GFPT2: variants seen among roughly 807,000 people sequenced by gnomAD.
GFPT2 encodes glutamine--fructose-6-phosphate transaminase 2, also known as glutamine--fructose-6-phosphate aminotransferase [isomerizing] 2.
In GFPT2, 62 loss-of-function variants were observed where a neutral mutation model predicts 85.6. The ratio of observed to expected loss-of-function variants is 0.72; its 90% CI spans 0.59 to 0.90. GFPT2 has a LOEUF of 0.90. Ranked by LOEUF, GFPT2 falls within the 40% of genes least tolerant of loss-of-function variation. The probability of loss-of-function intolerance (pLI) is 0.00; values close to 1 mark genes in which losing one functional copy is unlikely to be tolerated. For synonymous variants in GFPT2, 368 were observed against 344.5 expected (o/e 1.07, Z -0.75); for missense variants, 788 against 893.4 (o/e 0.88, Z 1.50).
At chr5:180,312,311 A>G in intron 15 of GFPT2, 119 bp downstream of exon 15, 1 of 668,038 alleles carries the variant, frequency 1.5e-6, no homozygotes, top group Non-Finnish European at 2.7e-6. Context: ...TGGGGAAGCT[A>G]GGAAGTTTTA....
intron 1 of GFPT2, among the ~76,000 whole-genome samples, chr5:180,340,088 G>A (rs1764480128): frequency 6.6e-6 from 1 of 152,178 alleles, no homozygotes; most frequent in Non-Finnish European, 1.5e-5. Flanking sequence ...AGATCAAGGT[G>A]CCAGAGATTC....
In GFPT2 at chr5:180,331,570, G is replaced by A. The variant is rs749442730; in HGVS notation, c.341-17C>T. 6 of 1,471,128 alleles carry A rather than the reference G, an allele frequency of 4.1e-6. No individual in the cohort carries two copies. The highest frequency in any genetic ancestry group is 5.7e-6 in the Non-Finnish European group (6 of 1,049,900). The allele number at this position is 1,471,128 out of a possible 1,614,324, so 91.1% of individuals were successfully genotyped here. A position where few individuals can be genotyped will look rare whatever the true frequency, so the allele number is the denominator to read the frequency against. On this transcript the variant is annotated splice_polypyrimidine_tract_variant and intron_variant, in intron 4 of 18. Transcript: ENST00000253778. Reference sequence around the variant, plus strand: ...CAACAAATTCTGAAAGAAAAGTTAAGAGAGAAATGCTATTGAGAAGGAGGT... The same window carrying A: ...CAACAAATTCTGAAAGAAAAGTTAAAAGAGAAATGCTATTGAGAAGGAGGT...
intron 16 of GFPT2, 25 bp downstream of exon 16, chr5:180,307,151 G>T: frequency 1.0e-6 from 1 of 956,310 alleles, no homozygotes; most frequent in Non-Finnish European, 1.4e-6. Flanking sequence ...CTCCGTGGGG[G>T]TGGGGGCTGG....
At chr5:180,329,603 G>A (rs761381904) in intron 6 of GFPT2, among the ~76,000 whole-genome samples, 4 of 152,198 alleles carry the variant, frequency 2.6e-5, no homozygotes, top group Non-Finnish European at 4.4e-5. Flanking sequence ...CTCCAAAAAC[G>A]GGAGTTAGAG....
At chr5:180,344,525 A>G (rs1353909318) in intron 1 of GFPT2, among the ~76,000 whole-genome samples, 1 of 152,220 alleles carries the variant, frequency 6.6e-6, no homozygotes, top group Non-Finnish European at 1.5e-5. Context: ...CTGTTTGGAC[A>G]GTGGTGTACA....
intron 1 of GFPT2, among the ~76,000 whole-genome samples, chr5:180,343,294 C>A (rs957519289): frequency 1.3e-5 from 2 of 152,226 alleles, no homozygotes; most frequent in African/African-American, 4.8e-5. Flanking sequence ...CGAGAACGTT[C>A]GGCACGCTCC....
chr5:180,331,366 G>A (rs1020557719), intron 5 of GFPT2, 129 bp downstream of exon 5: 19 of 653,038 alleles, frequency 2.9e-5, no homozygotes, highest in Admixed American at 8.1e-5. Flanking sequence ...TTCTCAACAC[G>A]GTGACGTGGC....
chr5:180,312,695 C>A (rs1763917298), intron 14 of GFPT2, 151 bp from the exon 15 acceptor site: 1 of 568,892 alleles, frequency 1.8e-6, no homozygotes. Context: ...GTGATTCTCC[C>A]ACCTCAGCCT....
intron 15 of GFPT2, among the ~76,000 whole-genome samples, chr5:180,311,195 G>T (rs1393856436): frequency 1.3e-5 from 2 of 152,180 alleles, no homozygotes; most frequent in Non-Finnish European, 2.9e-5. Context: ...CTCCCCAGAA[G>T]CCCCATGATG....
Position 180,325,147 on chromosome 5 carries a change from G to A in GFPT2, c.597-252C>T, listed in dbSNP as rs570368957. On this transcript the variant is annotated intron_variant, in intron 7 of 18. Transcript: ENST00000253778. Reference sequence around the variant, plus strand: ...TGTCTCACTCCCACCCTCCTAGGCCGGGCCTCCTCCAGTCCAGTCAAGTCC... The same window carrying A: ...TGTCTCACTCCCACCCTCCTAGGCCAGGCCTCCTCCAGTCCAGTCAAGTCC... Among the ~76,000 whole-genome samples, 20 of 152,242 alleles carry A rather than the reference G, an allele frequency of 1.3e-4. No homozygotes were observed. The South Asian group carries it at 3.3e-3, about 25-fold the overall frequency.
chr5:180,322,620 C>T (rs1650339344), intron 9 of GFPT2, among the ~76,000 whole-genome samples: 1 of 152,248 alleles, frequency 6.6e-6, no homozygotes, highest in Non-Finnish European at 1.5e-5. Flanking sequence ...CACACCTTTA[C>T]TCCCAGCTGC....
At chr5:180,310,518 T>C (rs1391102600) in intron 15 of GFPT2, among the ~76,000 whole-genome samples, 9 of 138,856 alleles carry the variant, frequency 6.5e-5, no homozygotes, top group East Asian at 2.2e-4. Context: ...TCAAGTGATT[T>C]TCCTGCCTCA....
chr5:180,326,237 G>C (rs929068445), intron 7 of GFPT2, among the ~76,000 whole-genome samples: 4 of 152,186 alleles, frequency 2.6e-5, no homozygotes, highest in Non-Finnish European at 4.4e-5. Context: ...CAGTAGTTAC[G>C]AAAGGATGTG....
At chr5:180,313,634 A>C (rs1763942558) in intron 14 of GFPT2, among the ~76,000 whole-genome samples, 173 bp downstream of exon 14, 1 of 152,034 alleles carries the variant, frequency 6.6e-6, no homozygotes, top group Non-Finnish European at 1.5e-5. Flanking sequence ...AAAAAAAATG[A>C]AGATACGGGA....
At chr5:180,327,373 C>A (rs79764192) in intron 7 of GFPT2, among the ~76,000 whole-genome samples, 20,063 of 152,268 alleles carry the variant, frequency 0.13, 1,591 homozygotes, top group East Asian at 0.29. Context: ...CCCACCAATG[C>A]CCTTGCACCA....
Position 180,331,439 on chromosome 5 carries a change from T to C in GFPT2, c.399+56A>G. ...GCAAGGAAATGAGCTGGCTGGAAAG[T>C]TTCTGGGGAGACCAATCCCACCGGA... On this transcript the variant is annotated intron_variant, in intron 5 of 18. Transcript: ENST00000253778. 6 of 1,042,446 alleles carry C rather than the reference T, an allele frequency of 5.8e-6. No individual in the cohort carries two copies. The South Asian group carries it at 6.4e-5, about 11-fold the overall frequency. The allele number at this position is 1,042,446 out of a possible 1,614,324, so 64.6% of individuals were successfully genotyped here.
chr5:180,334,304 C>T (rs1188318359), intron 4 of GFPT2, among the ~76,000 whole-genome samples: 3 of 152,230 alleles, frequency 2.0e-5, no homozygotes, highest in Non-Finnish European at 4.4e-5. Flanking sequence ...GACGCCTTCC[C>T]TTCCAAATTG....
chr5:180,353,131 G>T, intron 1 of GFPT2, 80 bp downstream of exon 1: 2 of 1,169,440 alleles, frequency 1.7e-6, no homozygotes, highest in Non-Finnish European at 2.1e-6. Context: ...GCCTGCTTGC[G>T]GGCGGAGGCG....
chr5:180,317,140 T>TAA, intron 10 of GFPT2, 82 bp from the exon 11 acceptor site: 1 of 920,194 alleles, frequency 1.1e-6, no homozygotes. Context: ...GTAACTCCTG[T>TAA]AAAGCTTACT....
Sources: allele counts gnomAD v4.1 joint callset (sites outside exome capture counted in the v4.1 genomes callset), GRCh38; gene constraint gnomAD v4.1.1; transcripts MANE v1.5; gene names NCBI Gene and HGNC (gene_info 2026-07-23, HGNC 2026-07-21).